ADAMTS17: variants seen among roughly 807,000 people sequenced by gnomAD.
ADAMTS17 encodes the protein A disintegrin and metalloproteinase with thrombospondin motifs 17.
ADAMTS17 carries 113 observed loss-of-function variants against 141.5 expected under a neutral mutation model. That is an observed-to-expected ratio of 0.80 (90% confidence interval 0.69 to 0.93). The LOEUF is 0.93. Ranked by LOEUF, ADAMTS17 falls within the 40% of genes least tolerant of loss-of-function variation. ADAMTS17 has a pLI of 0.00. For missense variants in ADAMTS17, 1,659 were observed against 1,517.9 expected (o/e 1.09, Z -1.54); for synonymous variants, 768 against 630.6 (o/e 1.22, Z -3.27).
intron 10 of ADAMTS17, among the ~76,000 whole-genome samples, chr15:100,140,169 T>C (rs2038554164): frequency 6.6e-6 from 1 of 151,810 alleles, no homozygotes; most frequent in African/African-American, 2.4e-5. Context: ...CTAATTTTTG[T>C]ATTTTTGGTA....
intron 8 of ADAMTS17, among the ~76,000 whole-genome samples, chr15:100,189,289 A>T (rs1320896569): frequency 1.3e-5 from 2 of 152,218 alleles, no homozygotes; most frequent in East Asian, 1.9e-4. Flanking sequence ...CAGAAAGGAC[A>T]GCTCAACTGG....
At chr15:100,089,283 G>A (rs2035300887) in intron 15 of ADAMTS17, among the ~76,000 whole-genome samples, 2 of 128,210 alleles carry the variant, frequency 1.6e-5, no homozygotes, top group South Asian at 2.3e-4. Context: ...AAACCATAAT[G>A]AGATACCATC....
chr15:100,003,673 C>CT (rs2060975291), intron 18 of ADAMTS17, among the ~76,000 whole-genome samples: 1 of 152,070 alleles, frequency 6.6e-6, no homozygotes, highest in African/African-American at 2.4e-5. Context: ...GTAGTATATG[C>CT]ATACAAGGGA....
At chr15:100,138,252 TG>T (rs1334752562) in intron 10 of ADAMTS17, among the ~76,000 whole-genome samples, 1 of 152,196 alleles carries the variant, frequency 6.6e-6, no homozygotes, top group African/African-American at 2.4e-5. Flanking sequence ...TAGAATTCCA[TG>T]GTTATGTCCA....
intron 3 of ADAMTS17, among the ~76,000 whole-genome samples, chr15:100,302,334 C>T (rs1248610242): frequency 6.6e-6 from 1 of 152,110 alleles, no homozygotes; most frequent in Non-Finnish European, 1.5e-5. Flanking sequence ...GAGTTGTTTC[C>T]ACTTTGAAGC....
chr15:100,031,448 G>A (rs941724378), intron 18 of ADAMTS17, among the ~76,000 whole-genome samples: 1 of 152,178 alleles, frequency 6.6e-6, no homozygotes, highest in Non-Finnish European at 1.5e-5. Context: ...AAGTCAAGGT[G>A]GGCTATGGGT....
intron 5 of ADAMTS17, 31 bp downstream of exon 5, chr15:100,262,321 G>A: frequency 1.9e-6 from 3 of 1,599,884 alleles, no homozygotes; most frequent in Non-Finnish European, 2.6e-6. Flanking sequence ...CACATTTTCT[G>A]CTTGCTTGAA....
intron 7 of ADAMTS17, among the ~76,000 whole-genome samples, chr15:100,211,653 G>C (rs2041813952): frequency 6.6e-6 from 1 of 152,128 alleles, no homozygotes; most frequent in Non-Finnish European, 1.5e-5. Flanking sequence ...AAACTTCTAT[G>C]TCATAAAAGG....
chr15:100,251,388 T>A (rs1298600454), intron 7 of ADAMTS17, among the ~76,000 whole-genome samples: 1 of 152,204 alleles, frequency 6.6e-6, no homozygotes, highest in Non-Finnish European at 1.5e-5. Flanking sequence ...GTAGAAACCC[T>A]AACTCCCAAT....
chr15:100,070,249 T>C (rs1476638939), intron 15 of ADAMTS17, among the ~76,000 whole-genome samples: 1 of 142,296 alleles, frequency 7.0e-6, no homozygotes, highest in Non-Finnish European at 1.5e-5. Flanking sequence ...AAGCAAGTCC[T>C]GAGTGACCTA....
chr15:100,211,109 A>C (rs2041790367), intron 7 of ADAMTS17, among the ~76,000 whole-genome samples: 1 of 139,028 alleles, frequency 7.2e-6, no homozygotes, highest in African/African-American at 3.1e-5. Context: ...CAAATAAATA[A>C]ATAAATAAAT....
In ADAMTS17 at chr15:100,273,280, G is replaced by C. The variant is rs543897360; in HGVS notation, c.789+7949C>G. ...AAGAATTTGAGGAGGACTAGTGTTA[G>C]CTCTCCTTTAAATGTTTGGTATAGT... On this transcript the variant is annotated intron_variant, in intron 4 of 21. Coordinates refer to ENST00000268070, the MANE Select transcript of ADAMTS17 (RefSeq NM_139057.4). Among the ~76,000 whole-genome samples the C allele has an allele frequency of 1.3e-4, 20 of 152,266 alleles. No homozygotes were observed. In the East Asian group the frequency reaches 3.5e-3, roughly 26 times the overall value.
At chr15:100,298,040 T>G (rs1596472508) in intron 3 of ADAMTS17, among the ~76,000 whole-genome samples, 1 of 148,118 alleles carries the variant, frequency 6.8e-6, no homozygotes, top group Non-Finnish European at 1.5e-5. Context: ...GGTGTGGGGG[T>G]GGGGGGTCTC....
At chr15:100,138,892 A>G (rs995948730) in intron 10 of ADAMTS17, among the ~76,000 whole-genome samples, 1 of 152,222 alleles carries the variant, frequency 6.6e-6, no homozygotes, top group African/African-American at 2.4e-5. Flanking sequence ...TTGCCTTTTA[A>G]AAAAATTTAA....
In ADAMTS17 at chr15:100,228,162, C is replaced by A. The variant is rs74512294; in HGVS notation, c.1075+25974G>T. ...AGAAGGGGCCATCTCCTCACCTACA[C>A]GCTCTTTCCCGAAATCTTTACATGG... On this transcript the variant is annotated intron_variant, in intron 7 of 21. Transcript: ENST00000268070. Among the ~76,000 whole-genome samples, 4 of 152,206 alleles carry A rather than the reference C, an allele frequency of 2.6e-5. No homozygotes were observed. In the East Asian group the frequency reaches 5.8e-4, roughly 22 times the overall value.
At chr15:100,200,474 G>A (rs1293713243) in intron 7 of ADAMTS17, among the ~76,000 whole-genome samples, 1 of 151,998 alleles carries the variant, frequency 6.6e-6, no homozygotes, top group Non-Finnish European at 1.5e-5. Context: ...ACCCAGGAAA[G>A]ACATGTCTCG....
At chr15:100,335,574 T>A (rs145174589) in intron 2 of ADAMTS17, among the ~76,000 whole-genome samples, 8 of 152,344 alleles carry the variant, frequency 5.3e-5, no homozygotes, top group African/African-American at 1.9e-4. Context: ...ATCCTGCACG[T>A]GGCAGGTGCG....
At chr15:100,004,276 C>G (rs1222529708) in intron 18 of ADAMTS17, among the ~76,000 whole-genome samples, 1 of 152,234 alleles carries the variant, frequency 6.6e-6, no homozygotes, top group Non-Finnish European at 1.5e-5. Context: ...CTTTTTGCTT[C>G]TGATCTTGAC....
chr15:100,231,114 TA>T (rs1212483385), intron 7 of ADAMTS17, among the ~76,000 whole-genome samples: 1 of 152,230 alleles, frequency 6.6e-6, no homozygotes, highest in Admixed American at 6.5e-5. Context: ...GTCTTTAAAA[TA>T]AATACTTCCA....
Sources: gnomAD v4.1 joint callset for allele counts (sites outside exome capture counted in the v4.1 genomes callset) on GRCh38, gnomAD v4.1.1 for gene constraint, MANE v1.5 for transcripts, NCBI Gene and HGNC (gene_info 2026-07-23, HGNC 2026-07-21) for gene names.